The following VPS13B variants were observed in gnomAD, a reference collection of about 807,000 sequenced individuals.
The protein encoded by VPS13B is intermembrane lipid transfer protein VPS13B.
VPS13B carries 285 observed loss-of-function variants against 426.4 expected under a neutral mutation model. That is an observed-to-expected ratio of 0.67 (90% CI 0.61 to 0.74). The LOEUF (loss-of-function observed/expected upper bound fraction) is 0.74, where lower values mean the gene tolerates loss of function less well. Ranked by LOEUF, VPS13B falls within the 30% of genes least tolerant of loss-of-function variation. The pLI, the probability that VPS13B is intolerant of heterozygous loss-of-function variation, is 0.00. For missense variants in VPS13B, 4,537 were observed against 4,782.6 expected, an observed-to-expected ratio of 0.95 and a Z score of 1.51; for synonymous variants, 1,676 against 1,676.4, an observed-to-expected ratio of 1.00 and a Z score of 0.01.
At chr8:99,475,669 C>A (rs895301784) in intron 24 of VPS13B, among the ~76,000 whole-genome samples, 1 of 152,142 alleles carries the variant, frequency 6.6e-6, no homozygotes, top group African/African-American at 2.4e-5. Flanking sequence ...TAAATGTAAA[C>A]CAGCTCTAAG....
At chr8:99,391,453 A>T (rs1814444658) in intron 20 of VPS13B, 104 bp from the exon 21 acceptor site, 8 of 1,572,546 alleles carry the variant, frequency 5.1e-6, no homozygotes, top group Admixed American at 1.7e-5. Flanking sequence ...TCTCAGCCCC[A>T]ACTTGTGAAG....
intron 61 of VPS13B, chr8:99,875,063 A>G: frequency 3.0e-6 from 1 of 333,812 alleles, no homozygotes; most frequent in Non-Finnish European, 5.7e-6. Context: ...TATGTGGAGG[A>G]AAGATTTTTC....
rs1472449177 is a variant in VPS13B at position 99,192,986 on chromosome 8, GGTC to G, written c.2445_2447del (p.Trp815_Ser816delinsCys). 7 of 1,613,518 alleles carry G rather than the reference GGTC, an allele frequency of 4.3e-6. No homozygotes were observed. Among genetic ancestry groups the G allele is most frequent in the Middle Eastern group, 3.3e-4 (2 of 6,078 alleles). On this transcript the variant is annotated inframe_deletion, in exon 17 of 62. Coordinates refer to ENST00000357162, the MANE Select transcript of VPS13B (RefSeq NM_152564.5). ...CTCTTGCAAGCAATATATCAAAGTT[GGTC>G]TCATCTTGGAAATGTCAGCTCTTCC...
At chr8:99,226,605 A>T (rs992658515) in intron 17 of VPS13B, among the ~76,000 whole-genome samples, 3 of 152,194 alleles carry the variant, frequency 2.0e-5, no homozygotes, top group Non-Finnish European at 4.4e-5. Flanking sequence ...GTCAAAATTA[A>T]GGACACTTCT....
intron 33 of VPS13B, among the ~76,000 whole-genome samples, chr8:99,629,855 T>G (rs1042639134): frequency 1.3e-5 from 2 of 152,214 alleles, no homozygotes; most frequent in Admixed American, 1.3e-4. Flanking sequence ...TCTAGTTGAT[T>G]GCTTTCCAAC....
chr8:99,034,513 GGATTA>G (rs1563496398), intron 2 of VPS13B, among the ~76,000 whole-genome samples: 1 of 151,780 alleles, frequency 6.6e-6, no homozygotes, highest in African/African-American at 2.4e-5. Context: ...GTTGCTTAGG[GGATTA>G]TATCTGTGTA....
At chr8:99,774,070 A>G (rs976622204) in intron 40 of VPS13B, among the ~76,000 whole-genome samples, 2 of 152,192 alleles carry the variant, frequency 1.3e-5, no homozygotes, top group African/African-American at 4.8e-5. Context: ...AAACACATAC[A>G]TGCTACTTTT....
At chr8:99,179,830 AT>A (rs553103645) in intron 16 of VPS13B, among the ~76,000 whole-genome samples, 13 of 149,192 alleles carry the variant, frequency 8.7e-5, no homozygotes, top group African/African-American at 1.7e-4. Flanking sequence ...AACAATTTCA[AT>A]TTTTTTTTTG....
At chr8:99,375,136 G>A (rs1813413787) in intron 19 of VPS13B, among the ~76,000 whole-genome samples, 1 of 152,140 alleles carries the variant, frequency 6.6e-6, no homozygotes, top group Admixed American at 6.5e-5. Flanking sequence ...AAGTGGGTGG[G>A]ATCCCCTGTG....
chr8:99,409,994 G>C (rs1815544260), intron 21 of VPS13B, among the ~76,000 whole-genome samples: 1 of 152,138 alleles, frequency 6.6e-6, no homozygotes, highest in Admixed American at 6.6e-5. Flanking sequence ...AAGGCATACA[G>C]AGTGGTATAA....
At chr8:99,139,412 A>G (rs1021710374) in intron 12 of VPS13B, among the ~76,000 whole-genome samples, 1 of 151,126 alleles carries the variant, frequency 6.6e-6, no homozygotes, top group Non-Finnish European at 1.5e-5. Context: ...GCCTACATTT[A>G]TAACTATTCT....
At chr8:99,516,160 T>C (rs967360240) in intron 29 of VPS13B, among the ~76,000 whole-genome samples, 2 of 152,202 alleles carry the variant, frequency 1.3e-5, no homozygotes, top group Non-Finnish European at 2.9e-5. Flanking sequence ...TACTTTATCT[T>C]TCTTCTTTGC....
intron 54 of VPS13B, among the ~76,000 whole-genome samples, chr8:99,841,557 T>C (rs74853727): frequency 0.011 from 1,722 of 152,310 alleles, 39 homozygotes; most frequent in African/African-American, 0.039. Flanking sequence ...CCCTGTCACA[T>C]CCTTTAAAAG....
intron 33 of VPS13B, among the ~76,000 whole-genome samples, chr8:99,640,058 A>AGAAGAAGAAGAAGAAGAAG (rs1400114054): frequency 1.5e-5 from 1 of 68,432 alleles, no homozygotes; most frequent in African/African-American, 5.7e-5. Flanking sequence ...AGAGAAAAGA[A>AGAAGAAGAAGAAGAAGAAG]AAGAAAAGAA....
chr8:99,310,096 G>T (rs895144804), intron 19 of VPS13B, among the ~76,000 whole-genome samples: 3 of 152,158 alleles, frequency 2.0e-5, no homozygotes, highest in Admixed American at 6.5e-5. Context: ...AGACGATGGG[G>T]TTTTCTAAAT....
chr8:99,775,876 C>A (rs1352967005), intron 40 of VPS13B, among the ~76,000 whole-genome samples: 1 of 151,778 alleles, frequency 6.6e-6, no homozygotes, highest in Non-Finnish European at 1.5e-5. Flanking sequence ...CCAGCCTGGC[C>A]TGGACAACAA....
intron 37 of VPS13B, 132 bp from the exon 38 acceptor site, chr8:99,720,213 G>C (rs1303857803): frequency 1.3e-6 from 1 of 743,760 alleles, no homozygotes; most frequent in Non-Finnish European, 2.2e-6. Flanking sequence ...TTACTTTTTA[G>C]GAATTATAGT....
At chr8:99,133,515 G>C (rs1809912987) in intron 8 of VPS13B, among the ~76,000 whole-genome samples, 1 of 152,088 alleles carries the variant, frequency 6.6e-6, no homozygotes, top group South Asian at 2.1e-4. Context: ...CAACTGTTTG[G>C]CTCAAGATGC....
intron 8 of VPS13B, among the ~76,000 whole-genome samples, chr8:99,129,428 C>A (rs1809629866): frequency 6.6e-6 from 1 of 151,272 alleles, no homozygotes; most frequent in Non-Finnish European, 1.5e-5. Flanking sequence ...ATTAGCAGGG[C>A]ATGGTGGCGC....
Sources: allele counts gnomAD v4.1 joint callset (sites outside exome capture counted in the v4.1 genomes callset), GRCh38; gene constraint gnomAD v4.1.1; transcripts MANE v1.5; gene names NCBI Gene and HGNC (gene_info 2026-07-23, HGNC 2026-07-21).